Variants in UBA3 observed in about 807,000 individuals in gnomAD.
UBA3 encodes NEDD8-activating enzyme E1 catalytic subunit.
UBA3 carries 26 observed loss-of-function variants against 73.5 expected under a neutral mutation model. That is an observed-to-expected ratio of 0.35 (90% CI 0.26 to 0.49). UBA3 has a LOEUF of 0.49. UBA3 is among the 20% of genes least tolerant of loss of function. The pLI, the probability that UBA3 is intolerant of heterozygous loss-of-function variation, is 0.98. For synonymous variants in UBA3, 217 were observed against 191.2 expected (o/e 1.13, Z -1.11); for missense variants, 495 against 555.6 (o/e 0.89, Z 1.10).
In UBA3 at chr3:69,068,287, C is replaced by A. The variant is rs2092090683; in HGVS notation, c.348-279G>T. 5.9e-5 allele frequency among the ~76,000 whole-genome samples: 9 copies of A among 152,012 alleles called. No homozygotes were observed. In the South Asian group the frequency reaches 1.9e-3, roughly 32 times the overall value. ...ACAGTGTTCTTCCTCCCAGATAAAG[C>A]ATAATAATGCTATGATTCCTGGCCA... On this transcript the variant is annotated intron_variant, in intron 5 of 17. Transcript: ENST00000361055.
intron 11 of UBA3, among the ~76,000 whole-genome samples, chr3:69,057,986 C>T (rs533465290): frequency 2.3e-5 from 3 of 128,684 alleles, no homozygotes; most frequent in South Asian, 2.4e-4. Context: ...AGTGCAGTGT[C>T]GTGATCTGAT....
At chr3:69,076,830 T>C (rs1340363113) in intron 3 of UBA3, among the ~76,000 whole-genome samples, 7 of 151,878 alleles carry the variant, frequency 4.6e-5, no homozygotes, top group Non-Finnish European at 8.8e-5. Flanking sequence ...TGGGCTCAAG[T>C]GATCCTCCCG....
chr3:69,060,676 C>T (rs1314526631), intron 11 of UBA3, among the ~76,000 whole-genome samples: 1 of 152,198 alleles, frequency 6.6e-6, no homozygotes, highest in Admixed American at 6.5e-5. Flanking sequence ...TATCTGTCCC[C>T]TCCAAATCTC....
chr3:69,058,074 G>A (rs59399074), intron 11 of UBA3, among the ~76,000 whole-genome samples: 1,529 of 151,964 alleles, frequency 0.01, 37 homozygotes, highest in African/African-American at 0.034. Flanking sequence ...GGGACTACAG[G>A]GGCCCGCCAC....
rs893984911 is a variant in UBA3 at position 69,071,512 on chromosome 3, A to T, written c.347+23T>A. On this transcript the variant is annotated intron_variant, in intron 5 of 17. Coordinates refer to ENST00000361055, the MANE Select transcript of UBA3 (RefSeq NM_003968.4). ...GATTATCAGAGCTTAAAAAAAGAAAACCGCTAAGATATTAAAACTTACCTA... is the reference window on the plus strand; with the variant it reads ...GATTATCAGAGCTTAAAAAAAGAAATCCGCTAAGATATTAAAACTTACCTA... 3.8e-6 allele frequency: 5 copies of T among 1,323,350 alleles called. No individual in the cohort carries two copies. The African/African-American group carries it at 7.6e-5, about 20-fold the overall frequency. 82.0% of individuals were successfully genotyped at this position (1,323,350 alleles called of 1,614,324 possible). A position where few individuals can be genotyped will look rare whatever the true frequency, so the allele number is the denominator to read the frequency against.
chr3:69,067,124 G>T (rs2092077914), intron 6 of UBA3, among the ~76,000 whole-genome samples: 1 of 152,146 alleles, frequency 6.6e-6, no homozygotes, highest in African/African-American at 2.4e-5. Context: ...GATTTTAATA[G>T]AAACTATGGT....
intron 11 of UBA3, among the ~76,000 whole-genome samples, chr3:69,060,432 AAAC>A (rs2092012391): frequency 1.3e-5 from 2 of 152,354 alleles, no homozygotes; most frequent in East Asian, 1.9e-4. Flanking sequence ...GTAAACAAAA[AAAC>A]AACAACATAA....
At position 69,055,325 on chromosome 3, in the gene UBA3, T is replaced by C; in HGVS notation, c.*112A>G. On this transcript the variant is annotated 3_prime_UTR_variant, in exon 18 of 18. Coordinates refer to ENST00000361055, the MANE Select transcript of UBA3 (RefSeq NM_003968.4). ...AGTTAAAAAAGAGTGGTTCATTATA[T>C]AAAAAAAGACAAATCGTGGCAACAC... 6.0e-6 allele frequency: 4 copies of C among 667,372 alleles called. No homozygotes were observed. In the South Asian group the frequency reaches 1.1e-4, roughly 18 times the overall value. The allele number at this position is 667,372 out of a possible 1,614,324, so 41.3% of individuals were successfully genotyped here. A position where few individuals can be genotyped will look rare whatever the true frequency, so the allele number is the denominator to read the frequency against.
chr3:69,067,190 A>G (rs909464646), intron 6 of UBA3, among the ~76,000 whole-genome samples: 5 of 152,132 alleles, frequency 3.3e-5, no homozygotes, highest in Non-Finnish European at 5.9e-5. Flanking sequence ...TAATCTTCCA[A>G]TCTTTGAAGA....
At chr3:69,079,061 T>C (rs1449608989) in intron 2 of UBA3, among the ~76,000 whole-genome samples, 1 of 152,240 alleles carries the variant, frequency 6.6e-6, no homozygotes, top group African/African-American at 2.4e-5. Flanking sequence ...CAAGAAGTAT[T>C]GCCTAGCAAT....
intron 8 of UBA3, 48 bp from the exon 9 acceptor site, chr3:69,063,185 C>G (rs748051085): frequency 1.2e-5 from 20 of 1,601,858 alleles, no homozygotes; most frequent in Non-Finnish European, 1.7e-5. Flanking sequence ...GATAAGAATT[C>G]AAAAGAAGAA....
chr3:69,057,924 C>CT (rs368333207), intron 11 of UBA3, among the ~76,000 whole-genome samples: 35,177 of 115,032 alleles, frequency 0.31, 6,975 homozygotes, highest in East Asian at 0.47. Flanking sequence ...CCACATTTTT[C>CT]TTTTTTTTTT....
At chr3:69,075,898 A>C (rs2092162472) in intron 3 of UBA3, among the ~76,000 whole-genome samples, 1 of 151,872 alleles carries the variant, frequency 6.6e-6, no homozygotes, top group Non-Finnish European at 1.5e-5. Flanking sequence ...CACCTGGCTA[A>C]TTTTTTATTT....
intron 14 of UBA3, 30 bp from the exon 15 acceptor site, chr3:69,056,313 C>G (rs1305382548): frequency 1.4e-6 from 2 of 1,448,806 alleles, no homozygotes; most frequent in Admixed American, 4.4e-5. Context: ...CAAATTACAG[C>G]AGCACATGCA....
intron 6 of UBA3, among the ~76,000 whole-genome samples, chr3:69,065,353 C>T (rs1005328232): frequency 6.6e-6 from 1 of 151,820 alleles, no homozygotes; most frequent in Non-Finnish European, 1.5e-5. Flanking sequence ...TAGGTAGGTA[C>T]CATGCACCTT....
rs2092123546 is a variant in UBA3, at chr3:69,071,702, T to C, written c.265-85A>G. ...TTTGTTTTCAATGTAGTCTTAAGTC[T>C]ACAAATTCTCAGTAATAAATTCTGT... On this transcript the variant is annotated intron_variant, in intron 4 of 17. Coordinates refer to ENST00000361055, the MANE Select transcript of UBA3 (RefSeq NM_003968.4). 9 of 786,372 alleles carry C rather than the reference T, an allele frequency of 1.1e-5. No individual in the cohort carries two copies. The South Asian group carries it at 1.8e-4, about 16-fold the overall frequency. The allele number at this position is 786,372 out of a possible 1,614,324, so 48.7% of individuals were successfully genotyped here. A position where few individuals can be genotyped will look rare whatever the true frequency, so the allele number is the denominator to read the frequency against.
chr3:69,080,217 G>A, intron 1 of UBA3, 64 bp from the exon 2 acceptor site: 11 of 1,540,822 alleles, frequency 7.1e-6, no homozygotes, highest in Non-Finnish European at 9.7e-6. Context: ...GAGGGGAGGG[G>A]GGCGAGGGGA....
chr3:69,064,213 T>C, intron 6 of UBA3, 102 bp from the exon 7 acceptor site: 1 of 889,432 alleles, frequency 1.1e-6, no homozygotes. Flanking sequence ...CAACAAGAAA[T>C]AAGTAATCAA....
At chr3:69,079,998 G>T in intron 2 of UBA3, 114 bp downstream of exon 2, 3 of 988,076 alleles carry the variant, frequency 3.0e-6, no homozygotes, top group Non-Finnish European at 4.5e-6. Flanking sequence ...CGCGGCCTGC[G>T]CTCCGGGTGT....
Sources: allele counts gnomAD v4.1 joint callset (sites outside exome capture counted in the v4.1 genomes callset), GRCh38; gene constraint gnomAD v4.1.1; transcripts MANE v1.5; gene names NCBI Gene and HGNC (gene_info 2026-07-23, HGNC 2026-07-21).